The following THRB variants were observed in gnomAD, a reference collection of about 807,000 sequenced individuals.
THRB encodes the protein thyroid hormone receptor beta.
A neutral mutation model predicts 47.8 loss-of-function variants in THRB; 12 were observed. That is an observed-to-expected ratio of 0.25 (90% CI 0.16 to 0.41). The LOEUF (loss-of-function observed/expected upper bound fraction) is 0.41. Among genes scored for constraint, THRB ranks in the 10% least tolerant of loss-of-function variants. The probability of loss-of-function intolerance (pLI) is 1.00; values close to 1 mark genes in which losing one functional copy is unlikely to be tolerated. For missense variants in THRB, 348 were observed against 589.2 expected (o/e 0.59, Z 4.24); for synonymous variants, 218 against 212.2 (o/e 1.03, Z -0.24).
At chr3:24,259,340 G>T (rs967237194) in intron 3 of THRB, among the ~76,000 whole-genome samples, 2 of 152,176 alleles carry the variant, frequency 1.3e-5, no homozygotes, top group Non-Finnish European at 2.9e-5. Flanking sequence ...GGAAAAGAGT[G>T]TCCTTCCCTA....
At chr3:24,267,773 A>C (rs2052815557) in intron 3 of THRB, among the ~76,000 whole-genome samples, 1 of 152,096 alleles carries the variant, frequency 6.6e-6, no homozygotes, top group Non-Finnish European at 1.5e-5. Flanking sequence ...CCTTGACTAT[A>C]AATTCCCACT....
At chr3:24,299,137 A>T (rs1320957807) in intron 2 of THRB, among the ~76,000 whole-genome samples, 1 of 150,856 alleles carries the variant, frequency 6.6e-6, no homozygotes, top group Non-Finnish European at 1.5e-5. Context: ...AGTCCCAGCT[A>T]CTCGGGAGGC....
intron 5 of THRB, among the ~76,000 whole-genome samples, chr3:24,154,763 C>CA (rs1174603170): frequency 2.0e-5 from 3 of 152,118 alleles, no homozygotes; most frequent in Non-Finnish European, 4.4e-5. Context: ...CCCATACTGT[C>CA]AAAAAAGCTA....
chr3:24,216,172 G>A (rs1005011158), intron 4 of THRB, among the ~76,000 whole-genome samples: 3 of 152,144 alleles, frequency 2.0e-5, no homozygotes, highest in Admixed American at 6.5e-5. Flanking sequence ...CAACTGAATC[G>A]TCTGGGTGAT....
At chr3:24,220,013 C>G (rs1267958357) in intron 4 of THRB, among the ~76,000 whole-genome samples, 2 of 152,182 alleles carry the variant, frequency 1.3e-5, no homozygotes, top group Admixed American at 6.5e-5. Context: ...GGCCCAGACA[C>G]TGGTATTTTT....
chr3:24,184,837 C>G (rs2086919509), intron 5 of THRB, among the ~76,000 whole-genome samples: 1 of 152,164 alleles, frequency 6.6e-6, no homozygotes, highest in African/African-American at 2.4e-5. Flanking sequence ...CGGAAGGGCA[C>G]AAGCTTTTTA....
intron 3 of THRB, among the ~76,000 whole-genome samples, chr3:24,276,894 T>A (rs112000927): frequency 2.6e-5 from 4 of 152,244 alleles, no homozygotes; most frequent in African/African-American, 9.6e-5. Flanking sequence ...TTATAAAACA[T>A]ATTTACTCTT....
intron 3 of THRB, among the ~76,000 whole-genome samples, chr3:24,263,164 T>C (rs2052260260): frequency 6.6e-6 from 1 of 152,220 alleles, no homozygotes; most frequent in Non-Finnish European, 1.5e-5. Flanking sequence ...ATTTTGCTAC[T>C]TTTGGCATTC....
chr3:24,394,112 G>A (rs1049059223), intron 1 of THRB, among the ~76,000 whole-genome samples: 3 of 152,124 alleles, frequency 2.0e-5, no homozygotes, highest in Admixed American at 6.6e-5. Flanking sequence ...AATAATCGAG[G>A]TTGTGTGGTG....
At chr3:24,462,374 T>A (rs1047834948) in intron 1 of THRB, among the ~76,000 whole-genome samples, 6 of 152,268 alleles carry the variant, frequency 3.9e-5, no homozygotes, top group African/African-American at 1.4e-4. Context: ...TAGAATTGCA[T>A]GTCTCTTGCT....
intron 4 of THRB, among the ~76,000 whole-genome samples, chr3:24,198,284 G>A (rs943004703): frequency 2.0e-5 from 3 of 152,194 alleles, no homozygotes; most frequent in African/African-American, 7.2e-5. Context: ...AAGGAAATCT[G>A]CTATTACTAC....
chr3:24,240,320 AG>A (rs2049355477), intron 3 of THRB, among the ~76,000 whole-genome samples: 1 of 152,204 alleles, frequency 6.6e-6, no homozygotes, highest in Non-Finnish European at 1.5e-5. Context: ...GGAATAAATC[AG>A]GCTTGGTTAT....
intron 3 of THRB, among the ~76,000 whole-genome samples, chr3:24,260,814 A>G (rs1251712763): frequency 6.6e-6 from 1 of 152,186 alleles, no homozygotes; most frequent in Non-Finnish European, 1.5e-5. Flanking sequence ...CTGGAAGATA[A>G]TTCCCTACAA....
intron 3 of THRB, among the ~76,000 whole-genome samples, chr3:24,261,097 C>G (rs1447105963): frequency 9.3e-6 from 1 of 108,084 alleles, no homozygotes; most frequent in Non-Finnish European, 1.8e-5. Context: ...AGCCCTCCCA[C>G]TTAGAGACAT....
intron 1 of THRB, among the ~76,000 whole-genome samples, chr3:24,373,471 A>G (rs2149771469): frequency 6.6e-6 from 1 of 152,200 alleles, no homozygotes. Flanking sequence ...GAGGCCAGCC[A>G]TGACTTCTGG....
chr3:24,152,635 A>G, intron 5 of THRB, 145 bp from the exon 6 acceptor site: 1 of 662,610 alleles, frequency 1.5e-6, no homozygotes, highest in East Asian at 2.8e-5. Flanking sequence ...CCAAACGGTA[A>G]GAATTTTATA....
chr3:24,166,828 G>C (rs1034698407), intron 5 of THRB, among the ~76,000 whole-genome samples: 2 of 152,128 alleles, frequency 1.3e-5, no homozygotes, highest in African/African-American at 2.4e-5. Flanking sequence ...ATTTTCAACA[G>C]TGAGACCTTT....
chr3:24,358,225 T>C (rs2063822341), intron 1 of THRB, among the ~76,000 whole-genome samples: 1 of 152,224 alleles, frequency 6.6e-6, no homozygotes, highest in Non-Finnish European at 1.5e-5. Flanking sequence ...ACCAATATAC[T>C]TTCCAGTGTA....
At chr3:24,233,203 A>T (rs560265754) in intron 3 of THRB, among the ~76,000 whole-genome samples, 10 of 152,320 alleles carry the variant, frequency 6.6e-5, no homozygotes, top group Admixed American at 6.5e-4. Context: ...TGAAAAGTAA[A>T]TGGAATTATT....
Sources: allele counts gnomAD v4.1 joint callset (sites outside exome capture counted in the v4.1 genomes callset), GRCh38; gene constraint gnomAD v4.1.1; transcripts MANE v1.5; gene names NCBI Gene and HGNC (gene_info 2026-07-23, HGNC 2026-07-21).